Variants in LPP observed in about 807,000 individuals in gnomAD.
LPP encodes lipoma-preferred partner.
A neutral mutation model predicts 60.4 loss-of-function variants in LPP; 38 were observed. The ratio of observed to expected loss-of-function variants is 0.63; its 90% CI spans 0.49 to 0.83. The LOEUF (loss-of-function observed/expected upper bound fraction) is 0.83. LPP is among the 40% of genes least tolerant of loss of function. The pLI, the probability that LPP is intolerant of heterozygous loss-of-function variation, is 0.00. For missense variants in LPP, 902 were observed against 783.6 expected (o/e 1.15, Z -1.80); for synonymous variants, 328 against 290.8 (o/e 1.13, Z -1.30).
intron 6 of LPP, among the ~76,000 whole-genome samples, chr3:188,570,682 A>T (rs1329150852): frequency 6.6e-6 from 1 of 151,990 alleles, no homozygotes; most frequent in Admixed American, 6.6e-5. Context: ...TTATGCTCTC[A>T]GTCCTTAGTT....
chr3:188,368,544 C>G (rs1317713969), intron 3 of LPP, among the ~76,000 whole-genome samples: 3 of 152,042 alleles, frequency 2.0e-5, no homozygotes, highest in Non-Finnish European at 4.4e-5. Context: ...CTGACAAAAT[C>G]AGAACTAAAG....
chr3:188,681,357 C>A (rs1859475606), intron 7 of LPP, among the ~76,000 whole-genome samples: 1 of 152,192 alleles, frequency 6.6e-6, no homozygotes, highest in Non-Finnish European at 1.5e-5. Flanking sequence ...ATGCACAGTT[C>A]TTTGCTCACT....
chr3:188,628,719 C>T (rs1302987421), intron 7 of LPP, among the ~76,000 whole-genome samples: 1 of 151,982 alleles, frequency 6.6e-6, no homozygotes, highest in African/African-American at 2.4e-5. Flanking sequence ...TTCCAAAAAT[C>T]GAGGAGGAGG....
chr3:188,311,471 T>TCA (rs1753387441), intron 2 of LPP, among the ~76,000 whole-genome samples: 2 of 142,062 alleles, frequency 1.4e-5, no homozygotes, highest in South Asian at 4.8e-4. Context: ...AGACCCTATC[T>TCA]CTAAACTAAA....
Position 188,760,097 on chromosome 3 carries a change from AC to A in LPP, c.1241-13del. The A allele has an allele frequency of 6.2e-7, 1 of 1,613,252 alleles. No homozygotes were observed. Among genetic ancestry groups the A allele is most frequent in the Non-Finnish European group, 8.5e-7 (1 of 1,179,808 alleles). ...GTACTCCTTGGTGTGTTCTTATCAA[AC>A]CCTTTTTTTTCCAGGCCGCTGTGCT... On this transcript the variant is annotated splice_polypyrimidine_tract_variant and intron_variant, in intron 8 of 11. Transcript: ENST00000617246.
chr3:188,267,414 T>C (rs1032293964), intron 2 of LPP, among the ~76,000 whole-genome samples: 1 of 152,236 alleles, frequency 6.6e-6, no homozygotes, highest in African/African-American at 2.4e-5. Flanking sequence ...TTCAGATGTT[T>C]CTTCTTCATG....
chr3:188,671,246 G>A (rs1244246544), intron 7 of LPP, among the ~76,000 whole-genome samples: 2 of 152,118 alleles, frequency 1.3e-5, no homozygotes, highest in Admixed American at 6.5e-5. Flanking sequence ...TATCCCCATA[G>A]GACCTAGCAT....
At chr3:188,200,766 C>T (rs151060060) in intron 1 of LPP, among the ~76,000 whole-genome samples, 54 of 152,244 alleles carry the variant, frequency 3.5e-4, no homozygotes, top group African/African-American at 1.3e-3. Flanking sequence ...CAGAAAGGCA[C>T]TCTAGCTGGT....
intron 5 of LPP, among the ~76,000 whole-genome samples, chr3:188,502,099 G>A (rs1812086451): frequency 6.6e-6 from 1 of 151,956 alleles, no homozygotes. Context: ...TTCTATCCTG[G>A]AACATGTCCC....
chr3:188,586,077 T>G (rs1311515578), intron 6 of LPP, among the ~76,000 whole-genome samples: 1 of 152,234 alleles, frequency 6.6e-6, no homozygotes, highest in Non-Finnish European at 1.5e-5. Context: ...ATACATTAGC[T>G]TTATGGAGGT....
intron 4 of LPP, among the ~76,000 whole-genome samples, chr3:188,407,093 A>C (rs777144483): frequency 4.7e-5 from 7 of 148,448 alleles, no homozygotes; most frequent in African/African-American, 7.4e-5. Flanking sequence ...AAAAAAAAAA[A>C]CTGAAGAATA....
At chr3:188,828,337 G>T (rs1165251469) in intron 9 of LPP, among the ~76,000 whole-genome samples, 2 of 151,798 alleles carry the variant, frequency 1.3e-5, no homozygotes, top group African/African-American at 4.8e-5. Context: ...GCATGCAGTG[G>T]CTCATGCCTG....
chr3:188,509,860 T>TG (rs1184480605), intron 5 of LPP, among the ~76,000 whole-genome samples: 1 of 119,906 alleles, frequency 8.3e-6, no homozygotes, highest in Non-Finnish European at 1.7e-5. Flanking sequence ...GCCTGGCTAA[T>TG]TTTTTTTTTG....
At chr3:188,662,930 C>A (rs1476511426) in intron 7 of LPP, among the ~76,000 whole-genome samples, 1 of 152,248 alleles carries the variant, frequency 6.6e-6, no homozygotes, top group Non-Finnish European at 1.5e-5. Flanking sequence ...CCCTGTTGTA[C>A]TACCTGTGTC....
rs1577997793 is a variant in LPP at position 188,307,789 on chromosome 3, TC to T, written c.-66-33873del. Among the ~76,000 whole-genome samples the T allele has an allele frequency of 3.9e-5, 6 of 152,320 alleles. No homozygotes were observed. The East Asian group carries it at 1.2e-3, about 29-fold the overall frequency. On this transcript the variant is annotated intron_variant, in intron 2 of 11. Coordinates refer to ENST00000617246, the MANE Select transcript of LPP (RefSeq NM_001375462.1). ...TGAGATAAGCTCATAACTGGGATGT[TC>T]AATATGACTTTATTAACACAGGGAA...
chr3:188,662,133 A>C (rs1854717348), intron 7 of LPP, among the ~76,000 whole-genome samples: 1 of 152,266 alleles, frequency 6.6e-6, no homozygotes, highest in African/African-American at 2.4e-5. Flanking sequence ...GTTATGCGAC[A>C]TAGTGCTTTT....
chr3:188,260,245 G>C (rs770646742), intron 2 of LPP, among the ~76,000 whole-genome samples: 1 of 152,030 alleles, frequency 6.6e-6, no homozygotes, highest in African/African-American at 2.4e-5. Context: ...GTTTCACCAT[G>C]TTGGCCAGAC....
chr3:188,569,749 A>G (rs1833080058), intron 6 of LPP, among the ~76,000 whole-genome samples: 1 of 152,050 alleles, frequency 6.6e-6, no homozygotes, highest in South Asian at 2.1e-4. Flanking sequence ...CAAAGCCTAA[A>G]TGTATGAATT....
chr3:188,406,140 T>G lies in LPP; in HGVS notation c.20T>G (p.Leu7Arg). 6.2e-7 allele frequency: 1 copy of G among 1,612,956 alleles called. No homozygotes were observed. The highest frequency in any genetic ancestry group is 8.5e-7 in the Non-Finnish European group (1 of 1,179,628). The change falls in exon 4 of 12, where the codon CTG (leucine) becomes CGG (arginine). Residue 7 changes from leucine to arginine, a missense_variant. Leu to Arg is a moderately radical substitution (Grantham distance 102, BLOSUM62 -2). Coordinates refer to ENST00000617246, the MANE Select transcript of LPP (RefSeq NM_001375462.1). ...CCAACAATGTCTCACCCATCTTGGCTGCCACCCAAAAGCACTGGTGAGCCC... is the reference window on the plus strand; with the variant it reads ...CCAACAATGTCTCACCCATCTTGGCGGCCACCCAAAAGCACTGGTGAGCCC... The part of the protein sequence containing the change: MSHPSW[L>R]PPKSTGEPLG...
Sources: gnomAD v4.1 joint callset for allele counts (sites outside exome capture counted in the v4.1 genomes callset) on GRCh38, gnomAD v4.1.1 for gene constraint, MANE v1.5 for transcripts, NCBI Gene and HGNC (gene_info 2026-07-23, HGNC 2026-07-21) for gene names.